Variants in FHIT observed in about 807,000 individuals in gnomAD.
FHIT encodes fragile histidine triad diadenosine triphosphatase.
A neutral mutation model predicts 17.9 loss-of-function variants in FHIT; 19 were observed. The observed-to-expected ratio is 1.06, with a 90% CI of 0.74 to 1.56. The LOEUF is 1.56. FHIT is among the 40% of genes most tolerant of loss of function. FHIT has a pLI of 0.00. For missense variants in FHIT, 248 were observed against 189.2 expected, an observed-to-expected ratio of 1.31 and a Z score of -1.82; for synonymous variants, 81 against 69.7, an observed-to-expected ratio of 1.16 and a Z score of -0.81.
At chr3:60,398,466 A>T (rs1701539012) in intron 5 of FHIT, among the ~76,000 whole-genome samples, 2 of 152,144 alleles carry the variant, frequency 1.3e-5, no homozygotes, top group Non-Finnish European at 2.9e-5. Flanking sequence ...GGCAAATCTG[A>T]TCCTGCCTAT....
At chr3:61,050,221 T>A (rs1383458270) in intron 2 of FHIT, among the ~76,000 whole-genome samples, 7 of 152,188 alleles carry the variant, frequency 4.6e-5, no homozygotes, top group Non-Finnish European at 1.0e-4. Context: ...TAAAAGGTAT[T>A]TCTTTTCCCA....
intron 3 of FHIT, among the ~76,000 whole-genome samples, chr3:60,948,048 C>A (rs1562525): frequency 0.5 from 75,566 of 151,926 alleles, 19,537 homozygotes; most frequent in Middle Eastern, 0.64. Flanking sequence ...GGTTACTCAG[C>A]ACAACACTAT....
At chr3:60,313,072 G>C (rs1347404954) in intron 5 of FHIT, among the ~76,000 whole-genome samples, 1 of 152,162 alleles carries the variant, frequency 6.6e-6, no homozygotes, top group Non-Finnish European at 1.5e-5. Context: ...CATCTTGCTT[G>C]AGAGTGGAGG....
intron 5 of FHIT, among the ~76,000 whole-genome samples, chr3:60,445,466 A>C (rs536409946): frequency 5.5e-5 from 8 of 144,304 alleles, no homozygotes; most frequent in African/African-American, 2.0e-4. Flanking sequence ...ACTTTTATAA[A>C]AAGAAGAAGA....
intron 3 of FHIT, among the ~76,000 whole-genome samples, chr3:60,981,082 C>T (rs903522664): frequency 3.9e-5 from 6 of 152,158 alleles, no homozygotes; most frequent in Non-Finnish European, 7.4e-5. Context: ...GGGGTCATAG[C>T]CAAGGGCTCT....
intron 2 of FHIT, among the ~76,000 whole-genome samples, chr3:61,046,550 T>G (rs1453390853): frequency 6.6e-6 from 1 of 152,178 alleles, no homozygotes; most frequent in Non-Finnish European, 1.5e-5. Flanking sequence ...ACAGCCGAAT[T>G]CTACCAGAGG....
chr3:60,410,972 C>T (rs1223220622), intron 5 of FHIT, among the ~76,000 whole-genome samples: 2 of 152,072 alleles, frequency 1.3e-5, no homozygotes, highest in Non-Finnish European at 2.9e-5. Context: ...TTCTTGAGCC[C>T]TGAGGCAGAT....
In FHIT at chr3:60,089,734, A is replaced by G. The variant is rs976508928; in HGVS notation, c.104-75582T>C. Among the ~76,000 whole-genome samples the G allele has an allele frequency of 2.0e-5, 3 of 152,330 alleles. No homozygotes were observed. The East Asian group carries it at 5.8e-4, about 29-fold the overall frequency. ...GGAAATCCAAGATCAAGGTCCTAGC[A>G]TCTTGTTTCTGATGAGGGTAGTCTT... On this transcript the variant is annotated intron_variant, in intron 5 of 9. Transcript: ENST00000492590.
chr3:60,552,294 G>C lies in FHIT; in HGVS notation c.-17-15315C>G, dbSNP rs140773413. On this transcript the variant is annotated intron_variant, in intron 4 of 9. Coordinates refer to ENST00000492590, the MANE Select transcript of FHIT (RefSeq NM_002012.4). Reference sequence around the variant, plus strand: ...TGTGAATAGTGCTGTGAATATTCAGGTGCAAGTTTTGTGTGGACTTATGTT... The same window carrying C: ...TGTGAATAGTGCTGTGAATATTCAGCTGCAAGTTTTGTGTGGACTTATGTT... Among the ~76,000 whole-genome samples the C allele has an allele frequency of 4.9e-3, 752 of 152,262 alleles. 8 individuals are homozygous for C. The highest frequency in any genetic ancestry group is 0.016 in the African/African-American group (668 of 41,556).
At chr3:59,951,276 G>A (rs1707102917) in intron 7 of FHIT, among the ~76,000 whole-genome samples, 2 of 150,646 alleles carry the variant, frequency 1.3e-5, no homozygotes, top group South Asian at 4.2e-4. Context: ...AAATAACACA[G>A]AAATGGAAGT....
At chr3:60,359,383 C>A (rs769418874) in intron 5 of FHIT, among the ~76,000 whole-genome samples, 1 of 145,672 alleles carries the variant, frequency 6.9e-6, no homozygotes, top group Non-Finnish European at 1.5e-5. Context: ...TGGGTTCAAG[C>A]GATTCTCCTG....
chr3:60,339,339 T>G (rs933290330), intron 5 of FHIT, among the ~76,000 whole-genome samples: 8 of 152,162 alleles, frequency 5.3e-5, no homozygotes, highest in African/African-American at 1.9e-4. Context: ...AGTCCATATC[T>G]GAATCCATAT....
intron 5 of FHIT, among the ~76,000 whole-genome samples, chr3:60,424,879 A>C (rs1346956022): frequency 6.6e-6 from 1 of 152,194 alleles, no homozygotes; most frequent in South Asian, 2.1e-4. Flanking sequence ...ATGATCAAAC[A>C]AAAATAACTG....
intron 3 of FHIT, among the ~76,000 whole-genome samples, chr3:60,974,759 T>C (rs1401826745): frequency 1.3e-5 from 2 of 152,094 alleles, no homozygotes; most frequent in Admixed American, 1.3e-4. Flanking sequence ...ATAAGATTTA[T>C]TCCAGTCCAC....
chr3:59,854,515 C>T (rs1053900333), intron 8 of FHIT, among the ~76,000 whole-genome samples: 1 of 152,164 alleles, frequency 6.6e-6, no homozygotes, highest in Non-Finnish European at 1.5e-5. Flanking sequence ...AATCCAGGTG[C>T]TGGCATCACA....
chr3:60,117,114 G>C (rs1305459344), intron 5 of FHIT, among the ~76,000 whole-genome samples: 2 of 149,108 alleles, frequency 1.3e-5, no homozygotes, highest in African/African-American at 2.5e-5. Context: ...ATTAGAACTA[G>C]AGATAATTAA....
At chr3:59,946,655 T>C (rs535115904) in intron 7 of FHIT, among the ~76,000 whole-genome samples, 1 of 152,336 alleles carries the variant, frequency 6.6e-6, no homozygotes, top group Admixed American at 6.5e-5. Context: ...GGCTATGGAT[T>C]TGTCATTATT....
intron 5 of FHIT, among the ~76,000 whole-genome samples, chr3:60,403,860 T>C (rs1701754672): frequency 6.6e-6 from 1 of 152,212 alleles, no homozygotes; most frequent in Non-Finnish European, 1.5e-5. Flanking sequence ...AAAATTATGA[T>C]CAAATAAATT....
chr3:59,941,696 G>A (rs1327464301), intron 7 of FHIT, among the ~76,000 whole-genome samples: 1 of 152,122 alleles, frequency 6.6e-6, no homozygotes, highest in Non-Finnish European at 1.5e-5. Flanking sequence ...GATGTCATGA[G>A]GCCCACGAGA....
Sources: allele counts gnomAD v4.1 joint callset (sites outside exome capture counted in the v4.1 genomes callset), GRCh38; gene constraint gnomAD v4.1.1; transcripts MANE v1.5; gene names NCBI Gene and HGNC (gene_info 2026-07-23, HGNC 2026-07-21).